Variants in CHD5 observed in about 807,000 individuals in gnomAD.
CHD5 encodes chromodomain helicase DNA binding protein 5, also known as ATP-dependent chromatin remodeler CHD5.
CHD5 carries 69 observed loss-of-function variants against 230.3 expected under a neutral mutation model. The observed-to-expected ratio is 0.30, with a 90% CI of 0.25 to 0.37. The LOEUF (loss-of-function observed/expected upper bound fraction) is 0.37. Ranked by LOEUF, CHD5 falls within the 10% of genes least tolerant of loss-of-function variation. CHD5 has a pLI of 1.00. For synonymous variants in CHD5, 1,064 were observed against 1,065.9 expected, an observed-to-expected ratio of 1.00 and a Z score of 0.03; for missense variants, 1,827 against 2,622.8, an observed-to-expected ratio of 0.70 and a Z score of 6.63.
rs1262402526 is a variant in CHD5 at position 6,124,182 on chromosome 1, G to A, written c.4540-75C>T. On this transcript the variant is annotated intron_variant, in intron 30 of 41. Transcript: ENST00000262450. ...GCAACTCAGCCCTAAGGGCCTCAGG[G>A]CAGCCAGGGGGGCTGAAAGTGTCAC... 25 of 1,370,798 alleles carry A rather than the reference G, an allele frequency of 1.8e-5. 1 individual carries two copies. In the Admixed American group the frequency reaches 5.4e-4, roughly 30 times the overall value. 84.9% of individuals were successfully genotyped at this position (1,370,798 alleles called of 1,614,324 possible). A position where few individuals can be genotyped will look rare whatever the true frequency, so the allele number is the denominator to read the frequency against.
At position 6,128,719 on chromosome 1, in the gene CHD5, G is replaced by C. The variant is rs2273033; in HGVS notation, c.3620-110C>G. On this transcript the variant is annotated intron_variant, in intron 23 of 41. Transcript: ENST00000262450. The surrounding 1 kb of genome is among the most constrained non-coding windows in gnomAD (Gnocchi z 7.8). ...GCTGTCCTAGCCAGGAGATACAGGT[G>C]GGGGGTGCAGAAGAGAGGCTGTGTG... 336,582 of 1,239,458 alleles carry C rather than the reference G, an allele frequency of 0.27. 49,165 individuals are homozygous for C. Among genetic ancestry groups the C allele is most frequent in the South Asian group, 0.4 (31,686 of 79,468 alleles). The allele number at this position is 1,239,458 out of a possible 1,614,324, so 76.8% of individuals were successfully genotyped here.
Position 6,121,288 on chromosome 1 carries a change from C to G in CHD5, c.4780-51G>C, listed in dbSNP as rs368876728. The G allele has an allele frequency of 5.7e-6, 9 of 1,584,712 alleles. No individual in the cohort carries two copies. The highest frequency in any genetic ancestry group is 7.7e-6 in the Non-Finnish European group (9 of 1,167,010). On this transcript the variant is annotated intron_variant, in intron 32 of 41. Coordinates refer to ENST00000262450, the MANE Select transcript of CHD5 (RefSeq NM_015557.3). The surrounding 1 kb of genome is among the most constrained non-coding windows in gnomAD (Gnocchi z 4.5). ...ACAAGGCCTGGGGCCTCACCAGGAA[C>G]GGAGGGCGGGGAACGTGCGCTGGGC... is the stretch of plus-strand genomic sequence containing the variant.
At chr1:6,107,042 G>A (rs1666187861) in intron 38 of CHD5, among the ~76,000 whole-genome samples, 4 of 138,546 alleles carry the variant, frequency 2.9e-5, no homozygotes, top group Non-Finnish European at 4.7e-5. Context: ...GAAGATGGAG[G>A]GATGGAGGAA....
At chr1:6,173,335 A>C (rs1667368734) in intron 1 of CHD5, among the ~76,000 whole-genome samples, 1 of 151,750 alleles carries the variant, frequency 6.6e-6, no homozygotes, top group Non-Finnish European at 1.5e-5. Flanking sequence ...CGATCTCCTG[A>C]CCTCGTGATC....
In CHD5 at chr1:6,128,008, G is replaced by A; in HGVS notation, c.3903+38C>T. On this transcript the variant is annotated intron_variant, in intron 25 of 41. Transcript: ENST00000262450. This position sits in a 1 kb window ranked among gnomAD's most constrained non-coding sequence, Gnocchi z 7.8. ...GTGGGGGGCGGGGCTGCGGATGGAGGGCGGGGCTGCGGATGGAGGGCGGGC... is the reference window on the plus strand; with the variant it reads ...GTGGGGGGCGGGGCTGCGGATGGAGAGCGGGGCTGCGGATGGAGGGCGGGC... 1 of 1,531,490 alleles carries A rather than the reference G, an allele frequency of 6.5e-7. No homozygotes were observed. Among genetic ancestry groups the A allele is most frequent in the Non-Finnish European group, 8.8e-7 (1 of 1,135,786 alleles). The allele number at this position is 1,531,490 out of a possible 1,614,324, so 94.9% of individuals were successfully genotyped here. A position where few individuals can be genotyped will look rare whatever the true frequency, so the allele number is the denominator to read the frequency against.
rs544053317 is a variant in CHD5 at position 6,139,306 on chromosome 1, T to G, written c.2437-2441A>C. On this transcript the variant is annotated intron_variant, in intron 15 of 41. Transcript: ENST00000262450. Reference sequence around the variant, plus strand: ...TGTTGCCCAGGCTGGAGTGCAATGGTGCTCACTGCAGCCTCCGCCTCCCAG... The same window carrying G: ...TGTTGCCCAGGCTGGAGTGCAATGGGGCTCACTGCAGCCTCCGCCTCCCAG... Among the ~76,000 whole-genome samples the G allele has an allele frequency of 5.9e-5, 9 of 152,036 alleles. No homozygotes were observed. In the South Asian group the frequency reaches 1.9e-3, roughly 32 times the overall value.
intron 33 of CHD5, among the ~76,000 whole-genome samples, chr1:6,116,160 G>A (rs932729505): frequency 1.8e-4 from 27 of 152,276 alleles, no homozygotes; most frequent in African/African-American, 5.8e-4. Context: ...CAAACTCCAC[G>A]GAATGAAGCT....
chr1:6,133,649 A>G (rs1311153689), intron 20 of CHD5, among the ~76,000 whole-genome samples: 2 of 152,370 alleles, frequency 1.3e-5, no homozygotes, highest in South Asian at 4.1e-4. Context: ...CCCTGCACCC[A>G]TGTGCCAGCA....
rs1246797738 is a variant in CHD5 at position 6,129,084 on chromosome 1, A to G, written c.3388-15T>C. On this transcript the variant is annotated splice_polypyrimidine_tract_variant and intron_variant, in intron 22 of 41. Transcript: ENST00000262450. The surrounding 1 kb of genome is among the most constrained non-coding windows in gnomAD (Gnocchi z 6.8). The stretch of plus-strand genomic sequence containing the variant: ...CGGCTGAAGGCCTGGGGAGACCTGC[A>G]CCTCAGCACCCGTGGCTCACCCAGG... 1 of 1,579,436 alleles carries G rather than the reference A, an allele frequency of 6.3e-7. No individual in the cohort carries two copies.
intron 38 of CHD5, among the ~76,000 whole-genome samples, chr1:6,107,090 A>G (rs1666189788): frequency 4.6e-5 from 4 of 86,064 alleles, no homozygotes; most frequent in South Asian, 5.8e-4. Context: ...GGGTGGAAGG[A>G]CGGACGAATG....
At position 6,149,077 on chromosome 1, in the gene CHD5, T is replaced by C; in HGVS notation, c.1162-2A>G. The C allele has an allele frequency of 6.6e-7, 1 of 1,517,130 alleles. No individual in the cohort carries two copies. The highest frequency in any genetic ancestry group is 1.3e-5 in the South Asian group (1 of 77,392). 94.0% of individuals were successfully genotyped at this position (1,517,130 alleles called of 1,614,324 possible). ...CTCCCACTGGATCCCCTCCTTCTCC[T>C]GGGGGAGGAGGCCAGGTGGAGGCAC... On this transcript the variant is annotated splice_acceptor_variant, in intron 8 of 41. Coordinates refer to ENST00000262450, the MANE Select transcript of CHD5 (RefSeq NM_015557.3). LOFTEE classifies it high-confidence loss of function.
chr1:6,149,536 G>A (rs568679750), intron 7 of CHD5, 124 bp from the exon 8 acceptor site: 30 of 917,508 alleles, frequency 3.3e-5, no homozygotes, highest in Non-Finnish European at 4.2e-5. Flanking sequence ...GGAAAGGTGG[G>A]TGGGTGAATA....
intron 1 of CHD5, among the ~76,000 whole-genome samples, chr1:6,175,260 G>A (rs1052289493): frequency 2.1e-5 from 3 of 144,946 alleles, no homozygotes; most frequent in African/African-American, 8.2e-5. Flanking sequence ...TGGATGGTGG[G>A]TGGATGGATG....
Position 6,140,411 on chromosome 1 carries a change from G to GAAAAGA in CHD5, c.2436+1711_2436+1716dup, listed in dbSNP as rs997908110. Among the ~76,000 whole-genome samples, 24 of 149,274 alleles carry GAAAAGA rather than the reference G, an allele frequency of 1.6e-4. 1 individual carries two copies. The South Asian group carries it at 5.0e-3, about 31-fold the overall frequency. The stretch of plus-strand genomic sequence containing the variant: ...GAGACTCCATCTCAAAAAAAAAAAA[G>GAAAAGA]AAAAGAAAAAGAAAAAGAAATGCAG... On this transcript the variant is annotated intron_variant, in intron 15 of 41. Transcript: ENST00000262450.
rs1360972144 is a variant in CHD5 at position 6,102,024 on chromosome 1, AGCCTGGGGCTGT to A, written c.*3438_*3449del. ...CCCAGCCCAGGGCCCTCCCTTTGCCAGCCTGGGGCTGTGCCTGGGGAAAGGGGTCGGCCCCCT... is the reference window on the plus strand; with the variant it reads ...CCCAGCCCAGGGCCCTCCCTTTGCCAGCCTGGGGAAAGGGGTCGGCCCCCT... On this transcript the variant is annotated 3_prime_UTR_variant, in exon 42 of 42. Transcript: ENST00000262450. The A allele has an allele frequency of 2.6e-6, 1 of 386,140 alleles. No homozygotes were observed. The highest frequency in any genetic ancestry group is 1.8e-5 in the South Asian group (1 of 55,686). The allele number at this position is 386,140 out of a possible 1,614,324, so 23.9% of individuals were successfully genotyped here. A position where few individuals can be genotyped will look rare whatever the true frequency, so the allele number is the denominator to read the frequency against.
intron 33 of CHD5, among the ~76,000 whole-genome samples, chr1:6,120,325 A>C (rs1309910978): frequency 1.3e-5 from 2 of 152,158 alleles, no homozygotes; most frequent in Admixed American, 6.5e-5. Context: ...TGAGTCAGAA[A>C]TCACTAATAA....
At chr1:6,109,653 C>A in intron 38 of CHD5, 142 bp downstream of exon 38, 1 of 710,560 alleles carries the variant, frequency 1.4e-6, no homozygotes. Context: ...ACTGTTCCAT[C>A]TTGGCCCAGA....
rs968802587 is a variant in CHD5 at position 6,121,298 on chromosome 1, G to A, written c.4780-61C>T. 6.1e-5 allele frequency: 97 copies of A among 1,580,386 alleles called. No homozygotes were observed. The highest frequency in any genetic ancestry group is 7.8e-5 in the Non-Finnish European group (91 of 1,164,072). ...GGGCCTCACCAGGAACGGAGGGCGG[G>A]GAACGTGCGCTGGGCTGGGAACCCA... On this transcript the variant is annotated intron_variant, in intron 32 of 41. Transcript: ENST00000262450. The surrounding 1 kb of genome is among the most constrained non-coding windows in gnomAD (Gnocchi z 4.5).
intron 1 of CHD5, among the ~76,000 whole-genome samples, chr1:6,168,744 C>T (rs1571172679): frequency 6.6e-6 from 1 of 152,264 alleles, no homozygotes; most frequent in East Asian, 1.9e-4. Context: ...ACCTGCCAGG[C>T]ACAGTGGCTC....
Sources: gnomAD v4.1 joint callset for allele counts (sites outside exome capture counted in the v4.1 genomes callset) on GRCh38, gnomAD v4.1.1 for gene constraint, Gnocchi (gnomAD v3.1) non-coding constraint, MANE v1.5 for transcripts, NCBI Gene and HGNC (gene_info 2026-07-23, HGNC 2026-07-21) for gene names.